PTPRD: variants seen among roughly 807,000 people sequenced by gnomAD.
The protein encoded by PTPRD is receptor-type tyrosine-protein phosphatase delta.
In PTPRD, 34 loss-of-function variants were observed where a neutral mutation model predicts 214.5. The observed-to-expected ratio is 0.16, with a 90% CI of 0.12 to 0.21. PTPRD has a LOEUF of 0.21. PTPRD is among the 10% of genes least tolerant of loss of function. The probability of loss-of-function intolerance (pLI) is 1.00; values close to 1 mark genes in which losing one functional copy is unlikely to be tolerated. For synonymous variants in PTPRD, 1,128 were observed against 845.7 expected, an observed-to-expected ratio of 1.33 and a Z score of -5.79; for missense variants, 2,545 against 2,398.7, an observed-to-expected ratio of 1.06 and a Z score of -1.27.
At chr9:10,274,422 T>A (rs1273204314) in intron 3 of PTPRD, among the ~76,000 whole-genome samples, 1 of 152,130 alleles carries the variant, frequency 6.6e-6, no homozygotes, top group African/African-American at 2.4e-5. Context: ...AACGACATTC[T>A]CCAAATAGTT....
intron 2 of PTPRD, among the ~76,000 whole-genome samples, chr9:10,345,222 C>A (rs1381978431): frequency 6.6e-6 from 1 of 151,870 alleles, no homozygotes; most frequent in African/African-American, 2.4e-5. Context: ...CAGACAACCT[C>A]AATTTACACA....
intron 11 of PTPRD, among the ~76,000 whole-genome samples, chr9:8,985,739 G>C (rs999476310): frequency 6.6e-6 from 1 of 151,630 alleles, no homozygotes; most frequent in Non-Finnish European, 1.5e-5. Flanking sequence ...AGTTATATAT[G>C]CTTTGATTAA....
At chr9:9,978,674 C>A (rs1447496809) in intron 4 of PTPRD, among the ~76,000 whole-genome samples, 1 of 151,780 alleles carries the variant, frequency 6.6e-6, no homozygotes, top group Non-Finnish European at 1.5e-5. Context: ...AATATATGCA[C>A]AGATAGATAT....
chr9:8,717,382 C>A (rs2098448484), intron 12 of PTPRD, among the ~76,000 whole-genome samples: 1 of 152,124 alleles, frequency 6.6e-6, no homozygotes, highest in African/African-American at 2.4e-5. Flanking sequence ...TGACATCCTG[C>A]AAATTCCACC....
intron 8 of PTPRD, among the ~76,000 whole-genome samples, chr9:9,469,446 A>T (rs1370475447): frequency 6.6e-6 from 1 of 152,180 alleles, no homozygotes. Context: ...CTTGGGTTCC[A>T]GAAAGCCTCT....
At chr9:9,394,408 T>TTGAA (rs1233953936) in intron 9 of PTPRD, among the ~76,000 whole-genome samples, 2 of 152,202 alleles carry the variant, frequency 1.3e-5, no homozygotes, top group African/African-American at 2.4e-5. Context: ...GAAGTGTTTG[T>TTGAA]TGAATACATG....
chr9:9,031,783 G>A (rs1009296261), intron 10 of PTPRD, among the ~76,000 whole-genome samples: 1 of 151,952 alleles, frequency 6.6e-6, no homozygotes, highest in Non-Finnish European at 1.5e-5. Flanking sequence ...CATATTAGGA[G>A]TTAGGTGAAA....
chr9:8,648,864 A>G (rs1269424693), intron 12 of PTPRD, among the ~76,000 whole-genome samples: 1 of 152,228 alleles, frequency 6.6e-6, no homozygotes, highest in African/African-American at 2.4e-5. Flanking sequence ...GTTAGTTTTC[A>G]AAGCAGATTC....
intron 3 of PTPRD, among the ~76,000 whole-genome samples, chr9:10,187,930 T>C (rs547814737): frequency 1.8e-4 from 28 of 152,302 alleles, no homozygotes; most frequent in African/African-American, 6.5e-4. Context: ...TTGTCAAAAA[T>C]TGGCAGTTTT....
chr9:9,495,603 C>T (rs2096142661), intron 8 of PTPRD, among the ~76,000 whole-genome samples: 1 of 152,076 alleles, frequency 6.6e-6, no homozygotes, highest in Non-Finnish European at 1.5e-5. Flanking sequence ...GAAGAGACGA[C>T]CTGACTTAGG....
At chr9:10,195,222 G>C (rs926095101) in intron 3 of PTPRD, among the ~76,000 whole-genome samples, 3 of 147,106 alleles carry the variant, frequency 2.0e-5, no homozygotes, top group Non-Finnish European at 4.5e-5. Context: ...AGGGAATATT[G>C]TACAATGCCA....
At chr9:9,934,033 G>C (rs1316531853) in intron 5 of PTPRD, among the ~76,000 whole-genome samples, 1 of 148,600 alleles carries the variant, frequency 6.7e-6, no homozygotes, top group African/African-American at 2.6e-5. Flanking sequence ...AAACCAACGA[G>C]AACAAAGACA....
At chr9:8,814,039 T>G (rs1056402086) in intron 11 of PTPRD, among the ~76,000 whole-genome samples, 4 of 152,250 alleles carry the variant, frequency 2.6e-5, no homozygotes, top group Non-Finnish European at 4.4e-5. Flanking sequence ...GCATGGGCCA[T>G]GGATTCTGCA....
chr9:9,328,614 CTTGCTTTTTTT>C lies in PTPRD; in HGVS notation c.-203+68824_-203+68834del, dbSNP rs2041012913. Reference sequence around the variant, plus strand: ...GATCACATTTTCTTTTGTTGTTGTTCTTGCTTTTTTTTTTTTTTTTTTTTTTTTTTTTTTTT... The same window carrying C: ...GATCACATTTTCTTTTGTTGTTGTTCTTTTTTTTTTTTTTTTTTTTTTTTT... On this transcript the variant is annotated intron_variant, in intron 9 of 45. Transcript: ENST00000381196. 3.1e-4 allele frequency among the ~76,000 whole-genome samples: 12 copies of C among 39,104 alleles called. 2 individuals carry two copies. The highest frequency in any genetic ancestry group is 7.6e-4 in the African/African-American group (10 of 13,226). 25.7% of individuals were successfully genotyped at this position (39,104 alleles called of 152,430 possible).
At chr9:9,148,794 T>C (rs1461928709) in intron 10 of PTPRD, among the ~76,000 whole-genome samples, 1 of 152,200 alleles carries the variant, frequency 6.6e-6, no homozygotes, top group Non-Finnish European at 1.5e-5. Context: ...GTGATATTTA[T>C]TTCAGGATAT....
chr9:10,485,850 T>A (rs1415247156), intron 2 of PTPRD, among the ~76,000 whole-genome samples: 1 of 152,120 alleles, frequency 6.6e-6, no homozygotes, highest in South Asian at 2.1e-4. Context: ...TGAAATAGAT[T>A]GTTCAGTTTA....
intron 10 of PTPRD, among the ~76,000 whole-genome samples, chr9:9,043,660 T>C (rs1217921053): frequency 6.6e-6 from 1 of 152,064 alleles, no homozygotes; most frequent in African/African-American, 2.4e-5. Flanking sequence ...TCCCAGCACT[T>C]TGTGAGGCCA....
At chr9:9,295,945 G>A (rs1052128136) in intron 9 of PTPRD, among the ~76,000 whole-genome samples, 2 of 151,692 alleles carry the variant, frequency 1.3e-5, no homozygotes, top group Non-Finnish European at 2.9e-5. Context: ...CAGGAGGTTG[G>A]ATTAATTTTC....
At chr9:8,359,398 C>T (rs549700041) in intron 39 of PTPRD, among the ~76,000 whole-genome samples, 1 of 152,126 alleles carries the variant, frequency 6.6e-6, no homozygotes, top group Non-Finnish European at 1.5e-5. Flanking sequence ...AATCTCAGCT[C>T]ACTGCAACTT....
Sources: allele counts gnomAD v4.1 joint callset (sites outside exome capture counted in the v4.1 genomes callset), GRCh38; gene constraint gnomAD v4.1.1; transcripts MANE v1.5; gene names NCBI Gene and HGNC (gene_info 2026-07-23, HGNC 2026-07-21).